The following TBC1D16 variants were observed in gnomAD, a reference collection of about 807,000 sequenced individuals.
TBC1D16 encodes the protein CTD-2529O21.1.
TBC1D16 carries 58 observed loss-of-function variants against 74.7 expected under a neutral mutation model. The observed-to-expected ratio is 0.78, with a 90% CI of 0.63 to 0.97. TBC1D16 has a LOEUF of 0.97. Ranked by LOEUF, TBC1D16 falls within the 50% of genes least tolerant of loss-of-function variation. The pLI is 0.00. For missense variants in TBC1D16, 1,014 were observed against 1,079.5 expected, an observed-to-expected ratio of 0.94 and a Z score of 0.85; for synonymous variants, 493 against 474.7, an observed-to-expected ratio of 1.04 and a Z score of -0.50.
intron 3 of TBC1D16, among the ~76,000 whole-genome samples, chr17:79,958,322 C>T (rs958534317): frequency 6.6e-6 from 1 of 151,194 alleles, no homozygotes; most frequent in Non-Finnish European, 1.5e-5. Flanking sequence ...CGGGTTCAAG[C>T]GATTCTCCTG....
intron 7 of TBC1D16, 73 bp from the exon 8 acceptor site, chr17:79,949,079 G>A (rs767505786): frequency 5.0e-6 from 8 of 1,588,704 alleles, no homozygotes; most frequent in Admixed American, 3.4e-5. Context: ...ACACACTGCA[G>A]GAAGCCACCC....
rs367810339 is a variant in TBC1D16, at chr17:80,007,167, C to T, written c.779+2993G>A. Reference sequence around the variant, plus strand: ...ACCGGGCTGACACAGGCCTGAGGTGCGAGCCACACCGAGCCCGCGGCCATG... The same window carrying T: ...ACCGGGCTGACACAGGCCTGAGGTGTGAGCCACACCGAGCCCGCGGCCATG... On this transcript the variant is annotated intron_variant, in intron 3 of 11. Coordinates refer to ENST00000310924, the MANE Select transcript of TBC1D16 (RefSeq NM_019020.4). The surrounding 1 kb of genome is among the most constrained non-coding windows in gnomAD (Gnocchi z 4.5). Among the ~76,000 whole-genome samples the T allele has an allele frequency of 3.6e-4, 55 of 152,280 alleles. No homozygotes were observed. The highest frequency in any genetic ancestry group is 1.9e-4 in the African/African-American group (8 of 41,558).
intron 9 of TBC1D16, among the ~76,000 whole-genome samples, chr17:79,946,236 T>C (rs900049722): frequency 1.3e-5 from 2 of 152,248 alleles, no homozygotes; most frequent in African/African-American, 4.8e-5. Flanking sequence ...GGTTTCAGGT[T>C]GAAACTGTTC....
intron 1 of TBC1D16, among the ~76,000 whole-genome samples, chr17:80,031,468 G>A (rs2036772982): frequency 6.6e-6 from 1 of 152,152 alleles, no homozygotes; most frequent in African/African-American, 2.4e-5. Context: ...TAGGGAAAGA[G>A]GACCCCTGAG....
intron 3 of TBC1D16, among the ~76,000 whole-genome samples, chr17:79,997,509 A>C (rs1004613638): frequency 6.6e-6 from 1 of 152,206 alleles, no homozygotes; most frequent in African/African-American, 2.4e-5. Context: ...CCGAGGGCCA[A>C]ATTGAGGCTG....
In TBC1D16 at chr17:79,986,213, A is replaced by C. The variant is rs1226246193; in HGVS notation, c.779+23947T>G. Among the ~76,000 whole-genome samples, 2 of 152,162 alleles carry C rather than the reference A, an allele frequency of 1.3e-5. No homozygotes were observed. The highest frequency in any genetic ancestry group is 2.9e-5 in the Non-Finnish European group (2 of 68,022). ...GCGGGAGGGAGGGCAGGAGGCGGCA[A>C]GCATGGGTGCTGGGTCCACCTCACC... On this transcript the variant is annotated intron_variant, in intron 3 of 11. Transcript: ENST00000310924. The surrounding 1 kb of genome is among the most constrained non-coding windows in gnomAD (Gnocchi z 6.0).
chr17:80,021,051 G>C lies in TBC1D16; in HGVS notation c.-62-7442C>G, dbSNP rs900853986. On this transcript the variant is annotated intron_variant, in intron 1 of 11. Coordinates refer to ENST00000310924, the MANE Select transcript of TBC1D16 (RefSeq NM_019020.4). Reference sequence around the variant, plus strand: ...GTGGATCACCTGAGGTCGGGAGTTCGACACCAGCCTGACCAACATGGAGAA... The same window carrying C: ...GTGGATCACCTGAGGTCGGGAGTTCCACACCAGCCTGACCAACATGGAGAA... Among the ~76,000 whole-genome samples, 5 of 149,958 alleles carry C rather than the reference G, an allele frequency of 3.3e-5. 1 individual carries two copies. The South Asian group carries it at 1.0e-3, about 31-fold the overall frequency.
chr17:79,942,584 G>C (rs1232145064), intron 10 of TBC1D16, among the ~76,000 whole-genome samples: 1 of 151,986 alleles, frequency 6.6e-6, no homozygotes, highest in Non-Finnish European at 1.5e-5. Flanking sequence ...TGCTCATGGG[G>C]AGGACTCATT....
rs1219105638 is a variant in TBC1D16 at position 79,981,347 on chromosome 17, T to C, written c.780-28529A>G. ...TGGCTGTTCACCAGCGGCGGGTATG[T>C]TCTTAGACCCTCCATCTGCCCGGGC... On this transcript the variant is annotated intron_variant, in intron 3 of 11. Coordinates refer to ENST00000310924, the MANE Select transcript of TBC1D16 (RefSeq NM_019020.4). The surrounding 1 kb of genome is among the most constrained non-coding windows in gnomAD (Gnocchi z 6.9). Among the ~76,000 whole-genome samples the C allele has an allele frequency of 6.6e-6, 1 of 152,098 alleles. No homozygotes were observed. Among genetic ancestry groups the C allele is most frequent in the Non-Finnish European group, 1.5e-5 (1 of 68,022 alleles).
rs1170463314 is a variant in TBC1D16 at position 79,956,585 on chromosome 17, G to A, written c.780-3767C>T. ...TCGCTTTAAGTTGCTGAGTTTGAGGGCGGTTTGTTTCACAGCAACGGATCA... is the reference window on the plus strand; with the variant it reads ...TCGCTTTAAGTTGCTGAGTTTGAGGACGGTTTGTTTCACAGCAACGGATCA... On this transcript the variant is annotated intron_variant, in intron 3 of 11. Coordinates refer to ENST00000310924, the MANE Select transcript of TBC1D16 (RefSeq NM_019020.4). The surrounding 1 kb of genome is among the most constrained non-coding windows in gnomAD (Gnocchi z 4.0). Among the ~76,000 whole-genome samples the A allele has an allele frequency of 6.6e-6, 1 of 152,170 alleles. No homozygotes were observed. The highest frequency in any genetic ancestry group is 1.5e-5 in the Non-Finnish European group (1 of 68,038).
intron 1 of TBC1D16, among the ~76,000 whole-genome samples, chr17:80,023,657 GC>G (rs200450567): frequency 0.12 from 17,986 of 144,300 alleles, 1,663 homozygotes; most frequent in East Asian, 0.17. Flanking sequence ...CTGCTGCCGG[GC>G]CCCCCCCCAC....
chr17:80,019,439 A>C (rs1304114696), intron 1 of TBC1D16, among the ~76,000 whole-genome samples: 104 of 135,810 alleles, frequency 7.7e-4, no homozygotes, highest in African/African-American at 9.3e-4. Flanking sequence ...CACCAGGACA[A>C]CCCCCCCCCG....
intron 3 of TBC1D16, among the ~76,000 whole-genome samples, chr17:79,955,508 T>G (rs2033295315): frequency 6.6e-6 from 1 of 152,244 alleles, no homozygotes; most frequent in South Asian, 2.1e-4. Context: ...ATATGTACAG[T>G]GTTTTATTTT....
intron 1 of TBC1D16, among the ~76,000 whole-genome samples, chr17:80,029,633 G>T (rs577231022): frequency 1.3e-5 from 2 of 152,248 alleles, no homozygotes; most frequent in South Asian, 2.1e-4. Flanking sequence ...GTAGAAAGTG[G>T]CAAAGTCACC....
intron 3 of TBC1D16, among the ~76,000 whole-genome samples, chr17:79,989,131 C>A (rs963523935): frequency 6.6e-6 from 1 of 152,238 alleles, no homozygotes; most frequent in East Asian, 1.9e-4. Flanking sequence ...AAAGGACACC[C>A]CAAATGTGGA....
chr17:79,992,698 C>T (rs2035117297), intron 3 of TBC1D16: 1 of 152,286 alleles, frequency 6.6e-6, no homozygotes, highest in Non-Finnish European at 1.5e-5. Context: ...TCGCAGGGCT[C>T]CTCCTCCGGT....
rs143601331 is a variant in TBC1D16, at chr17:80,008,509, G to A, written c.779+1651C>T. ...GAGACACAACTGGGACCTTCCCCTC[G>A]CCTGGGCCCTGGGGATGCAGGGACA... is the stretch of plus-strand genomic sequence containing the variant. On this transcript the variant is annotated intron_variant, in intron 3 of 11. Transcript: ENST00000310924. The surrounding 1 kb of genome is among the most constrained non-coding windows in gnomAD (Gnocchi z 4.5). Among the ~76,000 whole-genome samples the A allele has an allele frequency of 0.011, 1,640 of 152,162 alleles. 17 individuals carry two copies. Among genetic ancestry groups the A allele is most frequent in the Middle Eastern group, 0.034 (10 of 292 alleles).
chr17:79,996,561 G>T (rs1473491955), intron 3 of TBC1D16, among the ~76,000 whole-genome samples: 1 of 152,138 alleles, frequency 6.6e-6, no homozygotes, highest in Non-Finnish European at 1.5e-5. Flanking sequence ...GCCACTCTAT[G>T]CAACAGTTTA....
chr17:79,969,253 G>A (rs2033973123), intron 3 of TBC1D16, among the ~76,000 whole-genome samples: 1 of 152,072 alleles, frequency 6.6e-6, no homozygotes, highest in Non-Finnish European at 1.5e-5. Flanking sequence ...GGGTGTGGTG[G>A]TGCACACCTA....
Sources: allele counts gnomAD v4.1 joint callset (sites outside exome capture counted in the v4.1 genomes callset), GRCh38; gene constraint gnomAD v4.1.1; non-coding constraint Gnocchi (gnomAD v3.1); transcripts MANE v1.5; gene names NCBI Gene and HGNC (gene_info 2026-07-23, HGNC 2026-07-21).